Variants in GABRG3 observed in about 807,000 individuals in gnomAD.
GABRG3 encodes the protein gamma-aminobutyric acid type A receptor subunit gamma3, also known as gamma-aminobutyric acid receptor subunit gamma-3.
Under a neutral mutation model 48.8 loss-of-function variants are expected in GABRG3, and 25 were observed. The ratio of observed to expected loss-of-function variants is 0.51; its 90% CI spans 0.37 to 0.72. The LOEUF (loss-of-function observed/expected upper bound fraction) is 0.72. Ranked by LOEUF, GABRG3 falls within the 30% of genes least tolerant of loss-of-function variation. GABRG3 has a pLI of 0.00. For missense variants in GABRG3, 394 were observed against 577.9 expected (o/e 0.68, Z 3.26); for synonymous variants, 227 against 217.6 (o/e 1.04, Z -0.38).
chr15:27,139,270 G>A (rs1187737046), intron 3 of GABRG3, among the ~76,000 whole-genome samples: 2 of 152,126 alleles, frequency 1.3e-5, no homozygotes, highest in East Asian at 3.9e-4. Context: ...TGGTTTGGGG[G>A]GTGCAGAGAG....
At chr15:27,213,918 G>A (rs546342877) in intron 3 of GABRG3, among the ~76,000 whole-genome samples, 1 of 152,206 alleles carries the variant, frequency 6.6e-6, no homozygotes, top group Non-Finnish European at 1.5e-5. Context: ...GTGAGTTTCA[G>A]CGAAGGGGGA....
At chr15:27,504,156 A>G (rs1890707752) in intron 6 of GABRG3, among the ~76,000 whole-genome samples, 2 of 152,090 alleles carry the variant, frequency 1.3e-5, no homozygotes, top group Admixed American at 1.3e-4. Context: ...TATTTGCACA[A>G]TTTAAATTTG....
At chr15:27,404,943 C>A (rs1351002001) in intron 5 of GABRG3, among the ~76,000 whole-genome samples, 1 of 152,078 alleles carries the variant, frequency 6.6e-6, no homozygotes, top group African/African-American at 2.4e-5. Flanking sequence ...GGTATGTCCT[C>A]GCAAGTCAGG....
chr15:27,307,069 TATA>T (rs1892582016), intron 3 of GABRG3, among the ~76,000 whole-genome samples: 1 of 120,570 alleles, frequency 8.3e-6, no homozygotes. Flanking sequence ...ACATGTATAA[TATA>T]AACATGTTTA....
At chr15:27,181,821 C>T (rs965126105) in intron 3 of GABRG3, among the ~76,000 whole-genome samples, 11 of 152,076 alleles carry the variant, frequency 7.2e-5, no homozygotes, top group Admixed American at 5.9e-4. Flanking sequence ...TAAGATGTTT[C>T]TGGGCTTTTT....
At chr15:27,116,110 A>G (rs368409031) in intron 3 of GABRG3, among the ~76,000 whole-genome samples, 1 of 152,360 alleles carries the variant, frequency 6.6e-6, no homozygotes, top group Non-Finnish European at 1.5e-5. Flanking sequence ...AAGGCAGGCC[A>G]TGGTGGCCAG....
At chr15:27,009,673 A>T (rs974839154) in intron 2 of GABRG3, among the ~76,000 whole-genome samples, 1 of 152,208 alleles carries the variant, frequency 6.6e-6, no homozygotes, top group Middle Eastern at 3.2e-3. Flanking sequence ...AAGCCTTTTG[A>T]GGCCCAAACA....
chr15:27,417,765 G>T (rs1294352806), intron 5 of GABRG3, among the ~76,000 whole-genome samples: 2 of 152,212 alleles, frequency 1.3e-5, no homozygotes. Flanking sequence ...CGAGGACTGG[G>T]CAGGGGTTCC....
intron 5 of GABRG3, among the ~76,000 whole-genome samples, chr15:27,334,884 G>A (rs1222304504): frequency 6.6e-6 from 1 of 152,124 alleles, no homozygotes; most frequent in Non-Finnish European, 1.5e-5. Flanking sequence ...ACAAAAAAGT[G>A]ATAAATGAGA....
chr15:27,250,599 G>T (rs1360078347), intron 3 of GABRG3, among the ~76,000 whole-genome samples: 2 of 152,100 alleles, frequency 1.3e-5, no homozygotes, highest in Non-Finnish European at 2.9e-5. Flanking sequence ...GCTAATTTTT[G>T]TATTTCTAGT....
At chr15:27,263,800 C>T (rs1188250597) in intron 3 of GABRG3, among the ~76,000 whole-genome samples, 1 of 151,922 alleles carries the variant, frequency 6.6e-6, no homozygotes, top group Admixed American at 6.6e-5. Context: ...TGGTAAAACG[C>T]CTGTAGTCCC....
chr15:27,252,095 T>G (rs904453467), intron 3 of GABRG3, among the ~76,000 whole-genome samples: 2 of 152,142 alleles, frequency 1.3e-5, no homozygotes, highest in African/African-American at 4.8e-5. Flanking sequence ...TCCCTCACCC[T>G]CCCTAGTGCC....
At chr15:27,193,799 C>T (rs1331299970) in intron 3 of GABRG3, among the ~76,000 whole-genome samples, 3 of 152,182 alleles carry the variant, frequency 2.0e-5, no homozygotes, top group Non-Finnish European at 2.9e-5. Context: ...CAGAAATCAC[C>T]CGTTTTCTGC....
At chr15:27,220,569 G>A (rs144659209) in intron 3 of GABRG3, among the ~76,000 whole-genome samples, 90 of 152,310 alleles carry the variant, frequency 5.9e-4, no homozygotes, top group African/African-American at 2.1e-3. Flanking sequence ...AGGACTGTGT[G>A]ATGTGACAGC....
chr15:27,067,154 T>C (rs1480726752), intron 3 of GABRG3, among the ~76,000 whole-genome samples: 1 of 152,136 alleles, frequency 6.6e-6, no homozygotes, highest in Non-Finnish European at 1.5e-5. Context: ...TGTAATGTTC[T>C]CCCGTCCCTC....
chr15:27,261,812 C>T (rs575942604), intron 3 of GABRG3, among the ~76,000 whole-genome samples: 7 of 152,160 alleles, frequency 4.6e-5, no homozygotes, highest in African/African-American at 1.4e-4. Context: ...TACATTGTTA[C>T]ACTTCTATTA....
chr15:27,167,033 C>T (rs1887396778), intron 3 of GABRG3, among the ~76,000 whole-genome samples: 1 of 152,138 alleles, frequency 6.6e-6, no homozygotes, highest in East Asian at 1.9e-4. Flanking sequence ...TGAGTAAATA[C>T]TTCTTTAGCT....
At chr15:27,051,693 G>A (rs966446414) in intron 3 of GABRG3, among the ~76,000 whole-genome samples, 1 of 152,196 alleles carries the variant, frequency 6.6e-6, no homozygotes, top group Non-Finnish European at 1.5e-5. Context: ...GACCAGGGCT[G>A]GGGGTTTCAG....
intron 6 of GABRG3, among the ~76,000 whole-genome samples, chr15:27,507,621 T>C (rs1353673039): frequency 6.6e-6 from 1 of 152,218 alleles, no homozygotes; most frequent in Non-Finnish European, 1.5e-5. Flanking sequence ...CAGAAGAATA[T>C]GTATTCTGCT....
Sources: gnomAD v4.1 joint callset for allele counts (sites outside exome capture counted in the v4.1 genomes callset) on GRCh38, gnomAD v4.1.1 for gene constraint, MANE v1.5 for transcripts, NCBI Gene and HGNC (gene_info 2026-07-23, HGNC 2026-07-21) for gene names.